FAM161B: variants seen among roughly 807,000 people sequenced by gnomAD.
FAM161B encodes the protein protein FAM161B.
A neutral mutation model predicts 61.5 loss-of-function variants in FAM161B; 46 were observed. The ratio of observed to expected loss-of-function variants is 0.75; its 90% CI spans 0.59 to 0.96. The LOEUF is 0.96. Among genes scored for constraint, FAM161B ranks in the 40% least tolerant of loss-of-function variants. The probability of loss-of-function intolerance (pLI) is 0.00; values close to 1 mark genes in which losing one functional copy is unlikely to be tolerated. For missense variants in FAM161B, 774 were observed against 800.7 expected, an observed-to-expected ratio of 0.97 and a Z score of 0.40; for synonymous variants, 284 against 302.7, an observed-to-expected ratio of 0.94 and a Z score of 0.64.
intron 1 of FAM161B, 130 bp downstream of exon 1, chr14:73,949,843 T>TG (rs2056117915): frequency 7.5e-7 from 1 of 1,331,270 alleles, no homozygotes. Flanking sequence ...GTCCGCCTCC[T>TG]GGTCCCTAAA....
chr14:73,937,830 G>A (rs1455260737), intron 6 of FAM161B, 118 bp downstream of exon 6: 20 of 1,554,514 alleles, frequency 1.3e-5, no homozygotes, highest in Non-Finnish European at 1.8e-5. Flanking sequence ...TCATGACCCT[G>A]CTGTGATTAC....
the FAM161B span, among the ~76,000 whole-genome samples, chr14:73,926,231 C>G: frequency 6.6e-6 from 1 of 152,162 alleles, no homozygotes; most frequent in East Asian, 1.9e-4. Context: ...ACAAAGATAA[C>G]AATAATTTAT....
downstream of FAM161B, among the ~76,000 whole-genome samples, chr14:73,930,780 T>C (rs1301401086): frequency 6.6e-6 from 1 of 152,098 alleles, no homozygotes; most frequent in Non-Finnish European, 1.5e-5. Flanking sequence ...TAAAATTTTC[T>C]TGTAGAGACA....
At chr14:73,947,867 A>G (rs1396286150) in intron 1 of FAM161B, among the ~76,000 whole-genome samples, 1 of 151,952 alleles carries the variant, frequency 6.6e-6, no homozygotes, top group Admixed American at 6.6e-5. Flanking sequence ...CCAGGTATCA[A>G]CTCTGGAATG....
chr14:73,932,386 A>G lies in FAM161B; in HGVS notation c.*1870T>C, dbSNP rs1032357794. ...TTACCCTTAGGATTCCATACCAGTA[A>G]AACTGAACCGAGGAGTCTTAGGAAA... is the stretch of plus-strand genomic sequence containing the variant. On this transcript the variant is annotated 3_prime_UTR_variant, in exon 9 of 9. Coordinates refer to ENST00000286544, the MANE Select transcript of FAM161B (RefSeq NM_152445.3). The G allele has an allele frequency of 2.3e-6, 1 of 436,506 alleles. No homozygotes were observed. Among genetic ancestry groups the G allele is most frequent in the Non-Finnish European group, 4.5e-6 (1 of 221,876 alleles). The allele number at this position is 436,506 out of a possible 1,614,324, so 27.0% of individuals were successfully genotyped here. A position where few individuals can be genotyped will look rare whatever the true frequency, so the allele number is the denominator to read the frequency against.
chr14:73,948,049 C>T (rs756396133), intron 1 of FAM161B, among the ~76,000 whole-genome samples: 3 of 152,062 alleles, frequency 2.0e-5, no homozygotes, highest in Non-Finnish European at 1.5e-5. Flanking sequence ...CTCAGCCTCC[C>T]GAGTAGCTGG....
rs775350540 is a variant in FAM161B, at chr14:73,937,711, GCAAGACTT to G, written c.1566-18_1566-11del. The G allele has an allele frequency of 9.3e-6, 15 of 1,609,700 alleles. No individual in the cohort carries two copies. The Admixed American group carries it at 2.5e-4, about 27-fold the overall frequency. ...TTTACGGTCATTGTTCCTGGAATTAGCAAGACTTTTAGAAAGAATTTCATCTTTTCTAA... is the reference window on the plus strand; with the variant it reads ...TTTACGGTCATTGTTCCTGGAATTAGTTAGAAAGAATTTCATCTTTTCTAA... On this transcript the variant is annotated splice_polypyrimidine_tract_variant and intron_variant, in intron 6 of 8. Coordinates refer to ENST00000286544, the MANE Select transcript of FAM161B (RefSeq NM_152445.3).
downstream of FAM161B, among the ~76,000 whole-genome samples, chr14:73,929,823 AAAG>A (rs906097441): frequency 2.9e-4 from 44 of 152,072 alleles, no homozygotes; most frequent in African/African-American, 6.3e-4. Flanking sequence ...TAAAAAAAAA[AAAG>A]AAGAAAAATT....
intron 4 of FAM161B, 126 bp from the exon 5 acceptor site, chr14:73,941,179 G>A (rs1401851375): frequency 8.4e-6 from 10 of 1,185,644 alleles, no homozygotes; most frequent in Non-Finnish European, 1.1e-5. Flanking sequence ...GTGCAGTGGC[G>A]CAATCTCGGC....
chr14:73,949,517 C>CA (rs1271335144), intron 1 of FAM161B, among the ~76,000 whole-genome samples: 1 of 120,328 alleles, frequency 8.3e-6, no homozygotes, highest in East Asian at 2.1e-4. Flanking sequence ...CGCGCCTGGC[C>CA]AATTTTTTTT....
At chr14:73,935,241 T>G (rs1009013826) in intron 8 of FAM161B, among the ~76,000 whole-genome samples, 2 of 152,038 alleles carry the variant, frequency 1.3e-5, no homozygotes, top group Non-Finnish European at 2.9e-5. Context: ...AAATGGGTTA[T>G]GGAGGGCCGG....
chr14:73,926,535 G>A (rs531261295), downstream of FAM161B, among the ~76,000 whole-genome samples: 1 of 152,228 alleles, frequency 6.6e-6, no homozygotes, highest in East Asian at 1.9e-4. Flanking sequence ...CCAGGTTCAA[G>A]CAATTCTCCT....
chr14:73,925,898 G>A, the FAM161B span, among the ~76,000 whole-genome samples: 1 of 152,154 alleles, frequency 6.6e-6, no homozygotes. Context: ...GCGGGACGTG[G>A]TGGCATGTGC....
intron 4 of FAM161B, among the ~76,000 whole-genome samples, chr14:73,942,003 G>C (rs1457760371): frequency 1.3e-5 from 2 of 152,188 alleles, no homozygotes; most frequent in Non-Finnish European, 2.9e-5. Context: ...ACCACGCCTG[G>C]CCTGTTTTTT....
chr14:73,924,573 C>T, the FAM161B span: 54 of 370,642 alleles, frequency 1.5e-4, no homozygotes, highest in Non-Finnish European at 2.6e-4. Context: ...GACTTCATCA[C>T]GAGCACATTT....
At chr14:73,925,099 G>A in the FAM161B span, among the ~76,000 whole-genome samples, 5 of 152,038 alleles carry the variant, frequency 3.3e-5, no homozygotes, top group Non-Finnish European at 7.4e-5. Context: ...AGGATTACAG[G>A]GTTCTGGGCA....
rs2056068257 is a variant in FAM161B at position 73,946,489 on chromosome 14, T to C, written c.171A>G (p.Ile57Met). The change falls in exon 2 of 9, where the codon ATA becomes ATG. Residue 57 changes from isoleucine to methionine, a missense_variant. Physicochemically the swap from Ile to Met is conservative, Grantham distance 10 (BLOSUM62 1). Transcript: ENST00000286544. Reference sequence around the variant, plus strand: ...TCCCAGTTGAGTCAGAAGTAGAATCTATCTCCTCCTCTGGGCTGAGGAACT... The same window carrying C: ...TCCCAGTTGAGTCAGAAGTAGAATCCATCTCCTCCTCTGGGCTGAGGAACT... ...LDEFLSPEEE[I>M]DSTSDSTGSI... is the part of the protein sequence containing the mutation. 2 of 1,614,196 alleles carry C rather than the reference T, an allele frequency of 1.2e-6. No homozygotes were observed. Among genetic ancestry groups the C allele is most frequent in the Non-Finnish European group, 1.7e-6 (2 of 1,180,054 alleles).
intron 4 of FAM161B, 122 bp downstream of exon 4, chr14:73,942,247 T>G: frequency 3.1e-6 from 3 of 961,446 alleles, no homozygotes; most frequent in Non-Finnish European, 4.6e-6. Context: ...TGCTTACAAC[T>G]GAGCTGGTGT....
chr14:73,944,663 C>A lies in FAM161B; in HGVS notation c.597G>T (p.Arg199Ser), dbSNP rs763885682. 5.6e-6 allele frequency: 9 copies of A among 1,613,534 alleles called. No individual in the cohort carries two copies. In the South Asian group the frequency reaches 6.6e-5, roughly 12 times the overall value. Reference protein sequence around the residue: ...LGSPASFEQERQRAQRQGEEE... With the variant: ...LGSPASFEQESQRAQRQGEEE... ...CCTCACCCTGCCTCTGGGCCCGCTG[C>A]CTCTCCTGCTCAAAGGAGGCAGGTG... Residue 199 changes from arginine (R) to serine (S), a missense_variant, in exon 3 of 9, where the codon AGG (arginine) becomes AGT (serine). Transcript: ENST00000286544.
Sources: allele counts gnomAD v4.1 joint callset (sites outside exome capture counted in the v4.1 genomes callset), GRCh38; gene constraint gnomAD v4.1.1; transcripts MANE v1.5; gene names NCBI Gene and HGNC (gene_info 2026-07-23, HGNC 2026-07-21).